KIAA2012: variants seen among roughly 807,000 people sequenced by gnomAD.
KIAA2012 encodes KIAA2012.
A neutral mutation model predicts 150.6 loss-of-function variants in KIAA2012; 125 were observed. The ratio of observed to expected loss-of-function variants is 0.83; its 90% CI spans 0.72 to 0.96. The LOEUF (loss-of-function observed/expected upper bound fraction) is 0.96, where lower values mean the gene tolerates loss of function less well. Ranked by LOEUF, KIAA2012 falls within the 40% of genes least tolerant of loss-of-function variation. KIAA2012 has a pLI of 0.00. For synonymous variants in KIAA2012, 462 were observed against 504.7 expected, an observed-to-expected ratio of 0.92 and a Z score of 1.13; for missense variants, 1,219 against 1,354.9, an observed-to-expected ratio of 0.90 and a Z score of 1.57.
chr2:202,167,753 A>T (rs1691802034), intron 15 of KIAA2012, among the ~76,000 whole-genome samples: 1 of 151,888 alleles, frequency 6.6e-6, no homozygotes, highest in Non-Finnish European at 1.5e-5. Context: ...CTGAGGCAGG[A>T]GGATCCCTAG....
chr2:202,198,950 GA>G (rs1692463419), intron 22 of KIAA2012, among the ~76,000 whole-genome samples: 1 of 152,118 alleles, frequency 6.6e-6, no homozygotes, highest in Non-Finnish European at 1.5e-5. Context: ...GGATCATTAG[GA>G]AAGCCCTGAC....
At chr2:202,151,400 A>T (rs569030977) in intron 13 of KIAA2012, among the ~76,000 whole-genome samples, 4 of 152,118 alleles carry the variant, frequency 2.6e-5, no homozygotes, top group Admixed American at 2.6e-4. Context: ...CTGTCTCAAA[A>T]AATAATAATA....
chr2:202,082,889 C>A (rs1689483665), intron 2 of KIAA2012, among the ~76,000 whole-genome samples: 4 of 145,326 alleles, frequency 2.8e-5, no homozygotes, highest in Admixed American at 2.1e-4. Flanking sequence ...GTACTTTTGT[C>A]ATCCTTATTT....
intron 23 of KIAA2012, among the ~76,000 whole-genome samples, chr2:202,204,094 T>A (rs1216961361): frequency 1.1e-5 from 1 of 95,154 alleles, no homozygotes; most frequent in Non-Finnish European, 2.1e-5. Context: ...TTTTTTTTTT[T>A]AAGACAGGGT....
At chr2:202,181,413 A>G (rs1275538805) in intron 15 of KIAA2012, among the ~76,000 whole-genome samples, 1 of 152,036 alleles carries the variant, frequency 6.6e-6, no homozygotes, top group Non-Finnish European at 1.5e-5. Context: ...CTGTCTCTAC[A>G]AAAAGAAAAA....
intron 15 of KIAA2012, among the ~76,000 whole-genome samples, chr2:202,176,299 C>T (rs1489125074): frequency 6.6e-6 from 1 of 151,852 alleles, no homozygotes; most frequent in African/African-American, 2.4e-5. Flanking sequence ...TGGGTTCAAG[C>T]GATTCTGCTG....
At chr2:202,124,596 G>A (rs189835385) in intron 11 of KIAA2012, among the ~76,000 whole-genome samples, 59 of 152,296 alleles carry the variant, frequency 3.9e-4, no homozygotes, top group African/African-American at 1.4e-3. Context: ...TGCAGCATGT[G>A]TCAAACGTTA....
chr2:202,133,130 A>ATATAT lies in KIAA2012; in HGVS notation c.1832-5301_1832-5300insATATT, dbSNP rs1279080237. Among the ~76,000 whole-genome samples, 30 of 67,790 alleles carry ATATAT rather than the reference A, an allele frequency of 4.4e-4. 2 individuals carry two copies. Among genetic ancestry groups the ATATAT allele is most frequent in the East Asian group, 3.3e-3 (12 of 3,630 alleles). The allele number at this position is 67,790 out of a possible 152,430, so 44.5% of individuals were successfully genotyped here. A position where few individuals can be genotyped will look rare whatever the true frequency, so the allele number is the denominator to read the frequency against. On this transcript the variant is annotated intron_variant, in intron 12 of 23. Transcript: ENST00000498697. ...AAAAAATATATATATATATATATAT[A>ATATAT]TTTTTTTTTTTTCTGGAGAATGGAG... is the stretch of plus-strand genomic sequence containing the variant.
chr2:202,164,547 G>A (rs769169111), intron 14 of KIAA2012, among the ~76,000 whole-genome samples: 2 of 152,278 alleles, frequency 1.3e-5, no homozygotes, highest in Non-Finnish European at 2.9e-5. Flanking sequence ...CCAAATCCGT[G>A]GTAATCCTGA....
intron 15 of KIAA2012, among the ~76,000 whole-genome samples, chr2:202,184,477 G>A (rs1000241631): frequency 6.6e-6 from 1 of 152,080 alleles, no homozygotes. Context: ...AATACCAGGA[G>A]TGAGATTCCT....
chr2:202,096,972 G>A (rs892757842), intron 4 of KIAA2012, among the ~76,000 whole-genome samples: 20 of 152,194 alleles, frequency 1.3e-4, no homozygotes, highest in African/African-American at 4.1e-4. Context: ...TAAAGAGCCA[G>A]GAGATAGCCC....
intron 15 of KIAA2012, among the ~76,000 whole-genome samples, chr2:202,182,108 C>CTTTT (rs754494077): frequency 1.7e-4 from 18 of 104,118 alleles, no homozygotes; most frequent in South Asian, 3.3e-4. Context: ...TTTCTTTATT[C>CTTTT]TTTTTTTTTT....
rs1481526057 is a variant in KIAA2012 at position 202,109,769 on chromosome 2, G to A, written c.1631G>A (p.Arg544Lys). The change falls in exon 10 of 24, where the codon AGG becomes AAG. Residue 544 changes from arginine to lysine, a missense_variant. Physicochemically the swap from Arg to Lys is conservative, Grantham distance 26 (BLOSUM62 2). Transcript: ENST00000498697. ...PSLPNMRVPR[R>K]ALPAAQEDSS... ...CTCCCGAACATGAGAGTGCCCAGGA[G>A]GGCACTGCCAGCAGCTCAAGGTAAT... 5.2e-6 allele frequency: 8 copies of A among 1,548,996 alleles called. No homozygotes were observed. Among genetic ancestry groups the A allele is most frequent in the Middle Eastern group, 1.7e-4 (1 of 5,978 alleles).
At chr2:202,174,678 T>G (rs1221176773) in intron 15 of KIAA2012, among the ~76,000 whole-genome samples, 2 of 152,248 alleles carry the variant, frequency 1.3e-5, no homozygotes, top group Non-Finnish European at 2.9e-5. Context: ...TTGGCCAGTG[T>G]TGTTCACCTG....
chr2:202,113,667 GAA>G (rs1690441633), intron 11 of KIAA2012: 2 of 531,950 alleles, frequency 3.8e-6, no homozygotes, highest in Non-Finnish European at 6.7e-6. Flanking sequence ...TTTGGAGAGA[GAA>G]GTTCCAGTGG....
chr2:202,178,832 T>C (rs1384592462), intron 15 of KIAA2012: 1 of 190,962 alleles, frequency 5.2e-6, no homozygotes, highest in Non-Finnish European at 1.1e-5. Context: ...TGAGAGACAG[T>C]GGACACCTCC....
At chr2:202,139,670 A>C (rs1448038868) in intron 13 of KIAA2012, among the ~76,000 whole-genome samples, 2 of 152,224 alleles carry the variant, frequency 1.3e-5, no homozygotes, top group African/African-American at 4.8e-5. Context: ...ACTGAGGTGA[A>C]ACGCAGCTGA....
At chr2:202,176,253 A>G (rs978779682) in intron 15 of KIAA2012, among the ~76,000 whole-genome samples, 2 of 151,778 alleles carry the variant, frequency 1.3e-5, no homozygotes, top group Non-Finnish European at 2.9e-5. Context: ...AGAAAGTGCA[A>G]TGGCATGATC....
At chr2:202,077,553 G>A (rs1689353689) in intron 2 of KIAA2012, among the ~76,000 whole-genome samples, 1 of 152,162 alleles carries the variant, frequency 6.6e-6, no homozygotes, top group Non-Finnish European at 1.5e-5. Flanking sequence ...ATGAGTAGAG[G>A]GAAATGGTGT....
Sources: gnomAD v4.1 joint callset for allele counts (sites outside exome capture counted in the v4.1 genomes callset) on GRCh38, gnomAD v4.1.1 for gene constraint, MANE v1.5 for transcripts, NCBI Gene and HGNC (gene_info 2026-07-23, HGNC 2026-07-21) for gene names.